Variants in FAM204A observed in about 807,000 individuals in gnomAD.
The protein encoded by FAM204A is protein FAM204A.
FAM204A carries 16 observed loss-of-function variants against 35.4 expected under a neutral mutation model. The observed-to-expected ratio is 0.45, with a 90% CI of 0.31 to 0.69. FAM204A has a LOEUF of 0.69. Among genes scored for constraint, FAM204A ranks in the 30% least tolerant of loss-of-function variants. The pLI is 0.07. For missense variants in FAM204A, 240 were observed against 265.7 expected (o/e 0.90, Z 0.67); for synonymous variants, 76 against 86.9 (o/e 0.88, Z 0.70).
chr10:118,311,462 T>C (rs1352691919), intron 7 of FAM204A, 149 bp from the exon 8 acceptor site: 1 of 653,274 alleles, frequency 1.5e-6, no homozygotes, highest in South Asian at 2.1e-5. Flanking sequence ...CAAAGTATAA[T>C]GAATACAAAG....
At chr10:118,322,451 C>T (rs547957988) in intron 7 of FAM204A, 1 of 450,068 alleles carries the variant, frequency 2.2e-6, no homozygotes, top group Non-Finnish European at 4.5e-6. Flanking sequence ...CATGAGGAAA[C>T]AGCAGACAAA....
At chr10:118,324,697 T>C (rs1434499358) in intron 7 of FAM204A, among the ~76,000 whole-genome samples, 4 of 152,016 alleles carry the variant, frequency 2.6e-5, no homozygotes, top group Non-Finnish European at 5.9e-5. Flanking sequence ...GGAGAATGGG[T>C]ACAGAGGTTA....
chr10:118,330,617 C>T (rs1246098783), intron 6 of FAM204A, among the ~76,000 whole-genome samples: 5 of 152,272 alleles, frequency 3.3e-5, no homozygotes, highest in Middle Eastern at 3.4e-3. Context: ...TAGCCCTTTT[C>T]TCTTTCTGAC....
At position 118,313,308 on chromosome 10, in the gene FAM204A, C is replaced by T. The variant is rs975098188; in HGVS notation, c.544-1995G>A. 2.0e-4 allele frequency among the ~76,000 whole-genome samples: 30 copies of T among 152,108 alleles called. 1 individual carries two copies. Among genetic ancestry groups the T allele is most frequent in the Admixed American group, 1.9e-3 (29 of 15,266 alleles). ...AGGACTCTCCTCTAACCTGTGATGC[C>T]GGCATCTCAACATGTGGCTTTCAGG... On this transcript the variant is annotated intron_variant, in intron 7 of 8. Transcript: ENST00000369183.
chr10:118,330,965 A>AT (rs1261669551), intron 6 of FAM204A, among the ~76,000 whole-genome samples: 1 of 152,230 alleles, frequency 6.6e-6, no homozygotes, highest in Non-Finnish European at 1.5e-5. Context: ...GTCAAAGAAC[A>AT]TATATATAGA....
At chr10:118,319,258 A>C (rs1368138923) in intron 7 of FAM204A, among the ~76,000 whole-genome samples, 1 of 152,032 alleles carries the variant, frequency 6.6e-6, no homozygotes, top group East Asian at 1.9e-4. Flanking sequence ...AGCTTAGGCT[A>C]CAAATTAACA....
chr10:118,328,947 T>C (rs1846242984), intron 6 of FAM204A, among the ~76,000 whole-genome samples: 3 of 152,242 alleles, frequency 2.0e-5, no homozygotes, highest in African/African-American at 7.2e-5. Flanking sequence ...TGAGCTGGTT[T>C]AGCTCTCTAA....
At chr10:118,337,528 G>T (rs1024508375) in intron 2 of FAM204A, among the ~76,000 whole-genome samples, 1 of 152,158 alleles carries the variant, frequency 6.6e-6, no homozygotes, top group African/African-American at 2.4e-5. Flanking sequence ...CAGGTCCAAA[G>T]AATCAGATCT....
chr10:118,324,899 C>CAT (rs1846173927), intron 7 of FAM204A, among the ~76,000 whole-genome samples: 2 of 152,122 alleles, frequency 1.3e-5, no homozygotes, highest in African/African-American at 4.8e-5. Flanking sequence ...TCTGAAAGGC[C>CAT]ATATAACTGC....
At position 118,309,800 on chromosome 10, in the gene FAM204A, C is replaced by A. The variant is rs1330849885; in HGVS notation, c.*1057G>T. 4.6e-5 allele frequency: 7 copies of A among 152,246 alleles called. No individual in the cohort carries two copies. In the East Asian group the frequency reaches 1.4e-3, roughly 29 times the overall value. The allele number at this position is 152,246 out of a possible 1,614,324, so 9.4% of individuals were successfully genotyped here. A position where few individuals can be genotyped will look rare whatever the true frequency, so the allele number is the denominator to read the frequency against. ...TTGAGTTATAATTGTCTGTTTAATA[C>A]AATTACACCATTTTCTCTTCTAAGA... On this transcript the variant is annotated 3_prime_UTR_variant, in exon 9 of 9. Coordinates refer to ENST00000369183, the MANE Select transcript of FAM204A (RefSeq NM_022063.3).
rs1259340877 is a variant in FAM204A at position 118,301,700 on chromosome 10, T to C, written c.*9157A>G. 1 of 152,214 alleles carries C rather than the reference T, an allele frequency of 6.6e-6. No individual in the cohort carries two copies. Among genetic ancestry groups the C allele is most frequent in the African/African-American group, 2.4e-5 (1 of 41,456 alleles). 9.4% of individuals were successfully genotyped at this position (152,214 alleles called of 1,614,324 possible). A position where few individuals can be genotyped will look rare whatever the true frequency, so the allele number is the denominator to read the frequency against. On this transcript the variant is annotated 3_prime_UTR_variant, in exon 9 of 9. Transcript: ENST00000369183. ...GTATATTGTTTGCTATATGTGAGAA[T>C]CTATTCTCAGCACTTTCATATTCAT...
chr10:118,339,673 C>T (rs1461561245), intron 2 of FAM204A, among the ~76,000 whole-genome samples: 1 of 152,120 alleles, frequency 6.6e-6, no homozygotes, highest in African/African-American at 2.4e-5. Flanking sequence ...TCAATTTAAT[C>T]ATTTTAGCCC....
At chr10:118,323,614 C>T (rs1846152868) in intron 7 of FAM204A, among the ~76,000 whole-genome samples, 1 of 152,024 alleles carries the variant, frequency 6.6e-6, no homozygotes, top group Non-Finnish European at 1.5e-5. Flanking sequence ...CACTATACTC[C>T]CCCATCCTTA....
In FAM204A at chr10:118,299,044, A is replaced by G. The variant is rs985890014; in HGVS notation, c.*11813T>C. Reference sequence around the variant, plus strand: ...CTGTAATCCTTCTCTGGCCCCCTGGACAGTGTACGTGTGAGTGACGGTTCC... The same window carrying G: ...CTGTAATCCTTCTCTGGCCCCCTGGGCAGTGTACGTGTGAGTGACGGTTCC... On this transcript the variant is annotated 3_prime_UTR_variant, in exon 9 of 9. Transcript: ENST00000369183. 3 of 152,182 alleles carry G rather than the reference A, an allele frequency of 2.0e-5. No individual in the cohort carries two copies. The highest frequency in any genetic ancestry group is 7.2e-5 in the African/African-American group (3 of 41,438). 9.4% of individuals were successfully genotyped at this position (152,182 alleles called of 1,614,324 possible). A position where few individuals can be genotyped will look rare whatever the true frequency, so the allele number is the denominator to read the frequency against.
At chr10:118,315,430 A>G (rs903155316) in intron 7 of FAM204A, among the ~76,000 whole-genome samples, 2 of 152,176 alleles carry the variant, frequency 1.3e-5, no homozygotes, top group African/African-American at 4.8e-5. Context: ...ACAGATTTAT[A>G]AAGTTTTCCT....
At chr10:118,322,588 CAA>C (rs1846135691) in intron 7 of FAM204A, among the ~76,000 whole-genome samples, 1 of 151,890 alleles carries the variant, frequency 6.6e-6, no homozygotes, top group Admixed American at 6.6e-5. Flanking sequence ...CGACAAAATG[CAA>C]AGTCATTGAC....
intron 6 of FAM204A, among the ~76,000 whole-genome samples, chr10:118,328,075 C>A (rs1309434771): frequency 6.6e-6 from 1 of 152,198 alleles, no homozygotes; most frequent in Non-Finnish European, 1.5e-5. Context: ...GGCACACACT[C>A]CTTATCTCTT....
chr10:118,333,787 T>C (rs1392712481), intron 6 of FAM204A, among the ~76,000 whole-genome samples: 1 of 152,182 alleles, frequency 6.6e-6, no homozygotes, highest in Non-Finnish European at 1.5e-5. Context: ...TGAATATAAA[T>C]TACATGCAAA....
At chr10:118,330,831 G>A (rs1199635277) in intron 6 of FAM204A, among the ~76,000 whole-genome samples, 11 of 152,182 alleles carry the variant, frequency 7.2e-5, no homozygotes, top group Admixed American at 7.2e-4. Context: ...CCTAGGTTCA[G>A]ACTAGCTCCT....
Sources: allele counts gnomAD v4.1 joint callset (sites outside exome capture counted in the v4.1 genomes callset), GRCh38; gene constraint gnomAD v4.1.1; transcripts MANE v1.5; gene names NCBI Gene and HGNC (gene_info 2026-07-23, HGNC 2026-07-21).